Variants in NEB observed in about 807,000 individuals in gnomAD.
NEB encodes the protein nebulin.
Under a neutral mutation model 952.2 loss-of-function variants are expected in NEB, and 512 were observed. The ratio of observed to expected loss-of-function variants is 0.54; its 90% CI spans 0.50 to 0.58. The LOEUF (loss-of-function observed/expected upper bound fraction) is 0.58, where lower values mean the gene tolerates loss of function less well. Among genes scored for constraint, NEB ranks in the 20% least tolerant of loss-of-function variants. The probability of loss-of-function intolerance (pLI) is 0.00; values close to 1 mark genes in which losing one functional copy is unlikely to be tolerated. For synonymous variants in NEB, 2,900 were observed against 3,149.8 expected (o/e 0.92, Z 2.66); for missense variants, 8,428 against 9,231.1 (o/e 0.91, Z 3.56).
rs759755890 is a variant in NEB at position 151,576,231 on chromosome 2, C to A, written c.16828G>T (p.Val5610Leu). 3.9e-5 allele frequency: 63 copies of A among 1,611,614 alleles called. No individual in the cohort carries two copies. Among genetic ancestry groups the A allele is most frequent in the Non-Finnish European group, 5.3e-5 (62 of 1,178,272 alleles). Residue 5610 changes from valine (V) to leucine (L), a missense_variant, in exon 106 of 182, where the codon GTG becomes TTG. Val to Leu is a conservative substitution (Grantham distance 32, BLOSUM62 1). Around this residue, in one of 11 missense-constraint regions of NEB, gnomAD observed 3,374 missense variants for 3,651.5 expected, o/e 0.92. Coordinates refer to ENST00000397345, the MANE Select transcript of NEB (RefSeq NM_001164508.2). Reference protein sequence around the residue: ...IFCDSVYRTPVVNLKYTSIVD... With the variant: ...IFCDSVYRTPLVNLKYTSIVD... The stretch of plus-strand genomic sequence containing the variant: ...ATGCTTGTGTACTTAAGGTTCACCA[C>A]AGGCGTCCGATAGACACTGTCACAA...
At chr2:151,519,582 A>T (rs957544595) in intron 154 of NEB, 76 bp downstream of exon 154, 5 of 1,041,488 alleles carry the variant, frequency 4.8e-6, no homozygotes, top group Non-Finnish European at 7.4e-6. Flanking sequence ...TATAAATGCT[A>T]CTGAATTGCA....
intron 63 of NEB, among the ~76,000 whole-genome samples, chr2:151,638,960 A>G (rs2098811763): frequency 1.3e-5 from 2 of 152,196 alleles, no homozygotes; most frequent in African/African-American, 2.4e-5. Context: ...TACTACAGTT[A>G]TGCTTTAGCA....
At chr2:151,502,365 AAAAT>A (rs1208565792) in intron 167 of NEB, among the ~76,000 whole-genome samples, 6 of 146,648 alleles carry the variant, frequency 4.1e-5, no homozygotes, top group African/African-American at 1.5e-4. Context: ...AACTTATGGA[AAAAT>A]AAATAAACAT....
intron 10 of NEB, among the ~76,000 whole-genome samples, chr2:151,715,893 A>G (rs2099757557): frequency 6.6e-6 from 1 of 152,244 alleles, no homozygotes; most frequent in Non-Finnish European, 1.5e-5. Flanking sequence ...GAGAATGATT[A>G]TAGACGAGTT....
intron 105 of NEB, among the ~76,000 whole-genome samples, chr2:151,578,887 G>C (rs1229574253): frequency 1.3e-5 from 2 of 151,820 alleles, no homozygotes; most frequent in Non-Finnish European, 2.9e-5. Context: ...TTCAAAACCA[G>C]CCTGGCCAAG....
chr2:151,634,499 G>A (rs145474632), intron 64 of NEB, among the ~76,000 whole-genome samples: 203 of 152,104 alleles, frequency 1.3e-3, no homozygotes, highest in African/African-American at 4.6e-3. Flanking sequence ...AAAATAAGCC[G>A]GGCGTGGTGG....
rs75323975 is a variant in NEB, at chr2:151,528,845, A to C, written c.21735+365T>G. The stretch of plus-strand genomic sequence containing the variant: ...ATGTTTTCTTCATCAGAAGAAGCAG[A>C]TTGTAGAGTTTGAGGCAGGAGGAGA... On this transcript the variant is annotated intron_variant, in intron 146 of 181. Coordinates refer to ENST00000397345, the MANE Select transcript of NEB (RefSeq NM_001164508.2). 5.9e-3 allele frequency among the ~76,000 whole-genome samples: 895 copies of C among 152,322 alleles called. 7 individuals are homozygous for C. Among genetic ancestry groups the C allele is most frequent in the Admixed American group, 9.2e-3 (140 of 15,298 alleles).
At chr2:151,501,526 A>AT (rs778177270) in intron 167 of NEB, 43 bp from the exon 168 acceptor site, 7 of 1,166,486 alleles carry the variant, frequency 6.0e-6, no homozygotes, top group Non-Finnish European at 8.0e-6. Flanking sequence ...TGGACCCATC[A>AT]TTTTTTAGGT....
At chr2:151,572,150 T>C (rs537682041) in intron 107 of NEB, among the ~76,000 whole-genome samples, 1 of 152,216 alleles carries the variant, frequency 6.6e-6, no homozygotes, top group Non-Finnish European at 1.5e-5. Flanking sequence ...GGTGAAACCT[T>C]GTCTCTATTA....
rs1355352587 is a variant in NEB at position 151,552,655 on chromosome 2, C to T, written c.19836+17G>A. On this transcript the variant is annotated intron_variant, in intron 128 of 181. Transcript: ENST00000397345. ...TGCTTTATTACTGTCCACTTAACTT[C>T]CCCAGTGATCACTTACGTCACTTAG... 1 of 1,583,476 alleles carries T rather than the reference C, an allele frequency of 6.3e-7. No homozygotes were observed. The highest frequency in any genetic ancestry group is 1.7e-4 in the Middle Eastern group (1 of 5,994).
chr2:151,684,644 C>A (rs368998033), intron 28 of NEB, 134 bp downstream of exon 28: 1 of 774,298 alleles, frequency 1.3e-6, no homozygotes, highest in African/African-American at 1.8e-5. Flanking sequence ...CTTATAGAAC[C>A]ACAAGGGTCG....
At chr2:151,719,899 A>AAAT (rs1310335336) in intron 9 of NEB, among the ~76,000 whole-genome samples, 2 of 151,850 alleles carry the variant, frequency 1.3e-5, no homozygotes, top group East Asian at 3.9e-4. Flanking sequence ...AAAAAAAAAA[A>AAAT]AAAAAATACA....
Position 151,666,417 on chromosome 2 carries a change from G to T in NEB, c.4720-16C>A. The T allele has an allele frequency of 6.2e-7, 1 of 1,606,028 alleles. No individual in the cohort carries two copies. Among genetic ancestry groups the T allele is most frequent in the South Asian group, 1.1e-5 (1 of 90,614 alleles). ...TATATTTGCACTATTTGAAAACAAA[G>T]GGCAAACAGAAGTTGGCTAGCATAG... is the stretch of plus-strand genomic sequence containing the variant. On this transcript the variant is annotated splice_polypyrimidine_tract_variant and intron_variant, in intron 40 of 181. Coordinates refer to ENST00000397345, the MANE Select transcript of NEB (RefSeq NM_001164508.2).
At chr2:151,517,017 A>G (rs2078098360) in intron 156 of NEB, among the ~76,000 whole-genome samples, 1 of 152,244 alleles carries the variant, frequency 6.6e-6, no homozygotes, top group Admixed American at 6.5e-5. Context: ...GTCTAGATTG[A>G]ATGGATAACA....
At chr2:151,620,468 C>T (rs1264640642) in intron 72 of NEB, among the ~76,000 whole-genome samples, 1 of 147,868 alleles carries the variant, frequency 6.8e-6, no homozygotes, top group East Asian at 2.0e-4. Flanking sequence ...TTTAAGATGT[C>T]CAGGGATCTG....
intron 18 of NEB, 52 bp from the exon 19 acceptor site, chr2:151,694,681 G>T: frequency 7.4e-7 from 1 of 1,358,454 alleles, no homozygotes; most frequent in Non-Finnish European, 1.0e-6. Flanking sequence ...TGCATGTCAC[G>T]ACCTTTAAAG....
At chr2:151,579,080 C>CAAAA (rs1159995102) in intron 105 of NEB, among the ~76,000 whole-genome samples, 4 of 31,708 alleles carry the variant, frequency 1.3e-4, no homozygotes, top group African/African-American at 1.4e-4. Flanking sequence ...GACTCCATCT[C>CAAAA]AAAAAAAAAA....
intron 10 of NEB, chr2:151,716,058 AC>A: frequency 2.7e-6 from 1 of 374,576 alleles, no homozygotes; most frequent in South Asian, 2.1e-5. Flanking sequence ...ACTTGAAAAC[AC>A]CTTTTTATTT....
rs199700878 is a variant in NEB at position 151,654,090 on chromosome 2, T to C, written c.6817A>G (p.Lys2273Glu). The change falls in exon 52 of 182, where the codon AAA becomes GAA. Residue 2273 changes from lysine to glutamate, a missense_variant. Coordinates refer to ENST00000397345, the MANE Select transcript of NEB (RefSeq NM_001164508.2). ...TTCAAAGCTTCTTCCCATCCAAGTT[T>C]ATAGAGTTTCTGAAAATTAAAGATA... The part of the protein sequence containing the change: ...NQTLYSQKLY[K>E]LGWEEALKKG... 517 of 1,599,172 alleles carry C rather than the reference T, an allele frequency of 3.2e-4. No homozygotes were observed. Among genetic ancestry groups the C allele is most frequent in the Non-Finnish European group, 3.7e-4 (439 of 1,172,662 alleles).
Sources: gnomAD v4.1 joint callset for allele counts (sites outside exome capture counted in the v4.1 genomes callset) on GRCh38, gnomAD v4.1.1 for gene constraint, gnomAD v4.1.1 regional missense constraint, MANE v1.5 for transcripts, NCBI Gene and HGNC (gene_info 2026-07-23, HGNC 2026-07-21) for gene names.